The following AKAP9 variants were observed in gnomAD, a reference collection of about 807,000 sequenced individuals.
The protein encoded by AKAP9 is A-kinase anchor protein 9.
A neutral mutation model predicts 488.5 loss-of-function variants in AKAP9; 311 were observed. The observed-to-expected ratio is 0.64, with a 90% CI of 0.58 to 0.70. The LOEUF (loss-of-function observed/expected upper bound fraction) is 0.70, where lower values mean the gene tolerates loss of function less well. AKAP9 is among the 30% of genes least tolerant of loss of function. The pLI is 0.00. For synonymous variants in AKAP9, 1,462 were observed against 1,483.5 expected (o/e 0.99, Z 0.33); for missense variants, 4,215 against 4,374.5 (o/e 0.96, Z 1.03).
chr7:92,086,561 C>T (rs752612293), intron 37 of AKAP9, 145 bp downstream of exon 37: 12 of 677,446 alleles, frequency 1.8e-5, no homozygotes, highest in Admixed American at 8.3e-5. Flanking sequence ...ACTATTTTAA[C>T]GTATTATGTT....
chr7:92,012,720 T>G (rs1800919980), intron 9 of AKAP9, 78 bp downstream of exon 9: 2 of 1,252,566 alleles, frequency 1.6e-6, no homozygotes, highest in Non-Finnish European at 1.1e-6. Context: ...AATTTTTTCC[T>G]TGTCATAGAA....
intron 44 of AKAP9, 196 bp downstream of exon 44, chr7:92,100,065 A>G: frequency 1.9e-6 from 1 of 530,158 alleles, no homozygotes; most frequent in Non-Finnish European, 3.3e-6. Flanking sequence ...ATTGGAAACC[A>G]TCTCTGTACT....
intron 21 of AKAP9, among the ~76,000 whole-genome samples, chr7:92,047,427 C>T (rs1244013099): frequency 6.6e-6 from 1 of 152,130 alleles, no homozygotes; most frequent in Non-Finnish European, 1.5e-5. Context: ...CTATGTTAGC[C>T]AGGCTGGTTT....
chr7:92,044,172 A>G (rs959982512), intron 20 of AKAP9, among the ~76,000 whole-genome samples: 1 of 152,218 alleles, frequency 6.6e-6, no homozygotes, highest in African/African-American at 2.4e-5. Context: ...AAATACAGGC[A>G]TTAAAATTGT....
intron 1 of AKAP9, among the ~76,000 whole-genome samples, chr7:91,949,759 A>G (rs10238375): frequency 0.023 from 3,533 of 152,290 alleles, 158 homozygotes; most frequent in African/African-American, 0.081. Context: ...ACATTATTTC[A>G]GGAGTAGTTT....
At chr7:91,982,643 G>A (rs13311770) in intron 3 of AKAP9, among the ~76,000 whole-genome samples, 27 of 152,092 alleles carry the variant, frequency 1.8e-4, no homozygotes, top group African/African-American at 4.8e-4. Context: ...ATAGTGCCAC[G>A]ATAAACATAC....
At chr7:92,087,715 A>T (rs1337580293) in intron 37 of AKAP9, among the ~76,000 whole-genome samples, 2 of 152,086 alleles carry the variant, frequency 1.3e-5, no homozygotes, top group Non-Finnish European at 2.9e-5. Flanking sequence ...GCAAGTAAGG[A>T]ATTGTTCAAA....
At chr7:92,033,533 A>G (rs898723580) in intron 16 of AKAP9, among the ~76,000 whole-genome samples, 1 of 147,768 alleles carries the variant, frequency 6.8e-6, no homozygotes, top group Admixed American at 6.9e-5. Flanking sequence ...GCAACCTCCA[A>G]CTCCTGGGCT....
intron 3 of AKAP9, among the ~76,000 whole-genome samples, chr7:91,985,776 T>G (rs1796996571): frequency 6.6e-6 from 1 of 152,076 alleles, no homozygotes; most frequent in Admixed American, 6.5e-5. Context: ...GCCTGCTGAG[T>G]ACCTGGGACT....
chr7:91,964,202 A>T (rs1054710647), intron 1 of AKAP9, among the ~76,000 whole-genome samples: 4 of 152,234 alleles, frequency 2.6e-5, no homozygotes, highest in African/African-American at 9.6e-5. Flanking sequence ...GTACAATGTT[A>T]TTAAAATTCA....
At chr7:92,012,116 C>G (rs1239844568) in intron 8 of AKAP9, among the ~76,000 whole-genome samples, 1 of 152,094 alleles carries the variant, frequency 6.6e-6, no homozygotes, top group Non-Finnish European at 1.5e-5. Flanking sequence ...GTTGTGAGTA[C>G]ATAAATGTTT....
At chr7:92,006,845 G>A (rs1247768354) in intron 8 of AKAP9, among the ~76,000 whole-genome samples, 2 of 152,188 alleles carry the variant, frequency 1.3e-5, no homozygotes, top group African/African-American at 4.8e-5. Flanking sequence ...GTCATAGATT[G>A]AAGTGTATGT....
At chr7:92,054,749 C>T (rs972682457) in intron 22 of AKAP9, among the ~76,000 whole-genome samples, 2 of 152,014 alleles carry the variant, frequency 1.3e-5, no homozygotes, top group African/African-American at 4.8e-5. Flanking sequence ...TTTTACCTCT[C>T]TTTTGCTTGG....
chr7:91,980,265 A>C (rs1415852807), intron 2 of AKAP9, 24 bp from the exon 3 acceptor site: 4 of 1,512,810 alleles, frequency 2.6e-6, no homozygotes, highest in Non-Finnish European at 3.7e-6. Flanking sequence ...TCATAATTAT[A>C]TTTGGTTTTT....
intron 12 of AKAP9, among the ~76,000 whole-genome samples, chr7:92,020,049 G>A (rs1019675773): frequency 2.6e-5 from 4 of 151,800 alleles, no homozygotes; most frequent in African/African-American, 7.3e-5. Context: ...AGATAAATAC[G>A]TTTACTTAAC....
chr7:92,019,539 A>G (rs1264045714), intron 12 of AKAP9, among the ~76,000 whole-genome samples: 1 of 152,024 alleles, frequency 6.6e-6, no homozygotes, highest in Non-Finnish European at 1.5e-5. Flanking sequence ...TGTTCTGTGT[A>G]CTGAGAATAA....
chr7:92,097,593 C>T lies in AKAP9; in HGVS notation c.10406C>T (p.Thr3469Met), dbSNP rs746860114. The T allele has an allele frequency of 1.1e-4, 180 of 1,613,290 alleles. No homozygotes were observed. The East Asian group carries it at 2.0e-3, about 18-fold the overall frequency. The change falls in exon 42 of 50, where the codon ACG (threonine) becomes ATG (methionine). Residue 3469 changes from threonine (T) to methionine (M), a missense_variant. By Grantham distance (81) the Thr-to-Met change is moderately conservative. Transcript: ENST00000356239. The part of the protein sequence containing the change: ...ILYQNLNEPT[T>M]WSLTSDRTRN... ...TCTGTCCAAAATTGCCAGCCAACCA[C>T]GTGGAGCTTAACCAGTGATAGAACT... is the stretch of plus-strand genomic sequence containing the variant.
intron 8 of AKAP9, among the ~76,000 whole-genome samples, chr7:92,006,122 A>G (rs912792478): frequency 6.6e-6 from 1 of 151,542 alleles, no homozygotes; most frequent in African/African-American, 2.4e-5. Flanking sequence ...AGATGGTCAA[A>G]TTTTCTTATT....
chr7:91,985,302 T>A (rs1013107751), intron 3 of AKAP9, among the ~76,000 whole-genome samples: 1 of 152,216 alleles, frequency 6.6e-6, no homozygotes, highest in African/African-American at 2.4e-5. Context: ...ATACCTAGTT[T>A]ATTGAGAGTT....
Sources: gnomAD v4.1 joint callset for allele counts (sites outside exome capture counted in the v4.1 genomes callset) on GRCh38, gnomAD v4.1.1 for gene constraint, MANE v1.5 for transcripts, NCBI Gene and HGNC (gene_info 2026-07-23, HGNC 2026-07-21) for gene names.